NEB: variants seen among roughly 807,000 people sequenced by gnomAD.
NEB encodes the protein nemaline myopathy type 2.
Under a neutral mutation model 952.2 loss-of-function variants are expected in NEB, and 512 were observed. That is an observed-to-expected ratio of 0.54 (90% CI 0.50 to 0.58). The LOEUF (loss-of-function observed/expected upper bound fraction) is 0.58, where lower values mean the gene tolerates loss of function less well. Among genes scored for constraint, NEB ranks in the 20% least tolerant of loss-of-function variants. NEB has a pLI of 0.00. For synonymous variants in NEB, 2,900 were observed against 3,149.8 expected, an observed-to-expected ratio of 0.92 and a Z score of 2.66; for missense variants, 8,428 against 9,231.1, an observed-to-expected ratio of 0.91 and a Z score of 3.56.
chr2:151,626,778 C>A (rs546152104), intron 70 of NEB, among the ~76,000 whole-genome samples: 1 of 152,136 alleles, frequency 6.6e-6, no homozygotes, highest in Non-Finnish European at 1.5e-5. Context: ...CCTGCCTTGG[C>A]CTCCCAAAGA....
chr2:151,611,510 T>C (rs1413292153), intron 78 of NEB, among the ~76,000 whole-genome samples: 2 of 152,200 alleles, frequency 1.3e-5, no homozygotes, highest in Non-Finnish European at 2.9e-5. Flanking sequence ...TTCATATTTG[T>C]ACTGAGCACT....
rs117036376 is a variant in NEB at position 151,630,860 on chromosome 2, A to G, written c.9619-41T>C. On this transcript the variant is annotated intron_variant, in intron 66 of 181. Coordinates refer to ENST00000397345, the MANE Select transcript of NEB (RefSeq NM_001164508.2). ...AGATGCTGATTAAAAATCATTTGAA[A>G]TAGAAATGACAAAAAGTTCATTTAA... 2,699 of 1,486,838 alleles carry G rather than the reference A, an allele frequency of 1.8e-3. 54 individuals carry two copies. The East Asian group carries it at 0.041, about 23-fold the overall frequency. 92.1% of individuals were successfully genotyped at this position (1,486,838 alleles called of 1,614,324 possible).
intron 180 of NEB, 116 bp downstream of exon 180, chr2:151,490,256 T>C (rs2055227263): frequency 2.2e-6 from 3 of 1,346,566 alleles, no homozygotes; most frequent in Non-Finnish European, 3.0e-6. Flanking sequence ...TCTTTTCTCA[T>C]TAAAGGAAAG....
intron 156 of NEB, 31 bp from the exon 157 acceptor site, chr2:151,516,594 T>G: frequency 4.3e-6 from 6 of 1,395,136 alleles, no homozygotes; most frequent in African/African-American, 1.4e-5. Context: ...TAGATATCTC[T>G]CCTCTGGTCA....
At chr2:151,528,265 G>T (rs954769138) in intron 146 of NEB, among the ~76,000 whole-genome samples, 4 of 152,164 alleles carry the variant, frequency 2.6e-5, no homozygotes, top group African/African-American at 9.7e-5. Flanking sequence ...TCCTTGGGAG[G>T]AGCCTGCACT....
intron 124 of NEB, among the ~76,000 whole-genome samples, chr2:151,559,836 T>C (rs779151286): frequency 6.6e-6 from 1 of 152,150 alleles, no homozygotes. Context: ...AAATACCTAA[T>C]GTAGATGATG....
chr2:151,547,433 C>G lies in NEB; in HGVS notation c.20363G>C (p.Ser6788Thr). Residue 6788 changes from serine (S) to threonine (T), a missense_variant, in exon 133 of 182, where the codon AGT becomes ACT. Ser to Thr is a moderately conservative substitution (Grantham distance 58, BLOSUM62 1). Coordinates refer to ENST00000397345, the MANE Select transcript of NEB (RefSeq NM_001164508.2). Reference sequence around the variant, plus strand: ...AGACCCCTACGAGATGCTTACATCACTGGTGATGTCTCCCACATAGCGGCA... The same window carrying G: ...AGACCCCTACGAGATGCTTACATCAGTGGTGATGTCTCCCACATAGCGGCA... Reference protein sequence around the residue: ...IHCRYVGDITSDIKYKEDLQV... With the variant: ...IHCRYVGDITTDIKYKEDLQV... The G allele has an allele frequency of 2.5e-6, 4 of 1,594,394 alleles. No homozygotes were observed. The highest frequency in any genetic ancestry group is 3.4e-6 in the Non-Finnish European group (4 of 1,169,242).
chr2:151,560,551 G>A, intron 124 of NEB, 41 bp downstream of exon 124: 2 of 1,453,890 alleles, frequency 1.4e-6, no homozygotes, highest in Non-Finnish European at 1.9e-6. Flanking sequence ...CAGGGGAGGG[G>A]AGGGAGGGTG....
At chr2:151,724,799 A>G (rs747942612) in intron 7 of NEB, 58 bp downstream of exon 7, 132 of 1,432,122 alleles carry the variant, frequency 9.2e-5, no homozygotes, top group Non-Finnish European at 1.2e-4. Flanking sequence ...CCTATAAGAC[A>G]ATGCAGAGGT....
At chr2:151,733,817 A>C (rs1236912533) in intron 1 of NEB, 22 bp from the exon 2 acceptor site, 3 of 152,214 alleles carry the variant, frequency 2.0e-5, no homozygotes, top group Non-Finnish European at 4.4e-5. Flanking sequence ...CAAAGTTGTA[A>C]AGCATTGATT....
chr2:151,601,572 A>C (rs373141570), intron 88 of NEB, among the ~76,000 whole-genome samples: 3,001 of 88,632 alleles, frequency 0.034, 208 homozygotes, highest in East Asian at 0.22. Context: ...ATTATAGGAA[A>C]CACCGGTAGT....
rs750620305 is a variant in NEB at position 151,691,984 on chromosome 2, C to A, written c.2107-16G>T. The A allele has an allele frequency of 9.3e-6, 15 of 1,609,328 alleles. No homozygotes were observed. The highest frequency in any genetic ancestry group is 1.1e-5 in the Non-Finnish European group (13 of 1,176,376). On this transcript the variant is annotated splice_polypyrimidine_tract_variant and intron_variant, in intron 22 of 181. Coordinates refer to ENST00000397345, the MANE Select transcript of NEB (RefSeq NM_001164508.2). ...TGTAACTTTTCTATAATGAGAAAAA[C>A]CAAAAATAGATCATGATTGTTATGG...
Position 151,627,628 on chromosome 2 carries a change from G to A in NEB, c.10038C>T (p.Thr3346=). 6.2e-7 allele frequency: 1 copy of A among 1,613,972 alleles called. No individual in the cohort carries two copies. Among genetic ancestry groups the A allele is most frequent in the Non-Finnish European group, 8.5e-7 (1 of 1,179,876 alleles). Residue 3346 remains threonine, a synonymous_variant, in exon 69 of 182, where the codon ACC becomes ACT. Transcript: ENST00000397345. ...LGVVLAKKCQ[T]LVSDVDYKNY... ...TCTTGTAGTCCACATCGCTGACTAAGGTCTGGCACTTCTTGGCTAACACCA... is the reference window on the plus strand; with the variant it reads ...TCTTGTAGTCCACATCGCTGACTAAAGTCTGGCACTTCTTGGCTAACACCA...
chr2:151,697,202 A>AG lies in NEB; in HGVS notation c.1415dup (p.Gln473SerfsTer8). 1 of 1,613,806 alleles carries AG rather than the reference A, an allele frequency of 6.2e-7. No homozygotes were observed. Reference sequence around the variant, plus strand: ...CTTCATATTCTTGAGTTATGGTCTGAGGGAAGAAGCCTTTGCCTCTGTCTT... The same window carrying AG: ...CTTCATATTCTTGAGTTATGGTCTGAGGGGAAGAAGCCTTTGCCTCTGTCTT... On this transcript the variant is annotated frameshift_variant, in exon 16 of 182. Coordinates refer to ENST00000397345, the MANE Select transcript of NEB (RefSeq NM_001164508.2). LOFTEE classifies it high-confidence loss of function.
At chr2:151,488,758 T>C (rs2053472688) in intron 181 of NEB, among the ~76,000 whole-genome samples, 1 of 152,172 alleles carries the variant, frequency 6.6e-6, no homozygotes, top group African/African-American at 2.4e-5. Context: ...GTATCTAATT[T>C]TATTATTTTA....
At chr2:151,634,065 T>C in intron 64 of NEB, 100 bp from the exon 65 acceptor site, 1 of 1,332,496 alleles carries the variant, frequency 7.5e-7, no homozygotes, top group Non-Finnish European at 1.0e-6. Flanking sequence ...AACTGACTTT[T>C]GTTAACAAGT....
At chr2:151,515,233 C>T (rs1042849125) in intron 157 of NEB, among the ~76,000 whole-genome samples, 9 of 152,158 alleles carry the variant, frequency 5.9e-5, no homozygotes, top group African/African-American at 2.2e-4. Context: ...TCTGAATCCT[C>T]TGTTGTCTCT....
At chr2:151,507,462 G>A (rs181877781) in intron 162 of NEB, among the ~76,000 whole-genome samples, 1 of 152,220 alleles carries the variant, frequency 6.6e-6, no homozygotes, top group East Asian at 1.9e-4. Context: ...ATTTAAAGCA[G>A]GCAATAAGCC....
intron 75 of NEB, among the ~76,000 whole-genome samples, chr2:151,617,131 TG>T (rs1423849444): frequency 6.6e-6 from 1 of 152,216 alleles, no homozygotes; most frequent in East Asian, 1.9e-4. Flanking sequence ...ATAATTCCTA[TG>T]GAAATATTTA....
Sources: gnomAD v4.1 joint callset for allele counts (sites outside exome capture counted in the v4.1 genomes callset) on GRCh38, gnomAD v4.1.1 for gene constraint, MANE v1.5 for transcripts, NCBI Gene and HGNC (gene_info 2026-07-23, HGNC 2026-07-21) for gene names.